Variants in MPPED1 observed in about 807,000 individuals in gnomAD.
MPPED1 encodes metallophosphoesterase domain containing 1.
A neutral mutation model predicts 36.2 loss-of-function variants in MPPED1; 16 were observed. The observed-to-expected ratio is 0.44, with a 90% CI of 0.30 to 0.67. The LOEUF (loss-of-function observed/expected upper bound fraction) is 0.67. Among genes scored for constraint, MPPED1 ranks in the 30% least tolerant of loss-of-function variants. MPPED1 has a pLI of 0.10. For synonymous variants in MPPED1, 199 were observed against 191.3 expected (o/e 1.04, Z -0.33); for missense variants, 307 against 453.4 (o/e 0.68, Z 2.93).
At chr22:43,460,511 T>C (rs1372315662) in intron 3 of MPPED1, among the ~76,000 whole-genome samples, 1 of 152,006 alleles carries the variant, frequency 6.6e-6, no homozygotes, top group Non-Finnish European at 1.5e-5. Flanking sequence ...ATGTTTTAAA[T>C]AACATAATTT....
intron 4 of MPPED1, among the ~76,000 whole-genome samples, chr22:43,495,501 T>C: frequency 2.7e-5 from 1 of 37,196 alleles, no homozygotes; most frequent in East Asian, 7.9e-4. Flanking sequence ...GTAGTGGTGG[T>C]GGAGGTGGTG....
At chr22:43,498,004 A>T (rs1166205718) in intron 4 of MPPED1, among the ~76,000 whole-genome samples, 1 of 148,648 alleles carries the variant, frequency 6.7e-6, no homozygotes, top group Non-Finnish European at 1.5e-5. Flanking sequence ...GAAAAACAGA[A>T]ACTGCAGGTA....
chr22:43,434,156 T>A lies in MPPED1; in HGVS notation c.225-878T>A, dbSNP rs144916178. On this transcript the variant is annotated intron_variant, in intron 2 of 6. Coordinates refer to ENST00000443721, the MANE Select transcript of MPPED1 (RefSeq NM_001044370.2). The stretch of plus-strand genomic sequence containing the variant: ...GGCTCCTGAGGCACAAGAACCTACA[T>A]TTGTGCCGCTTTTTAAAATGTTATT... Among the ~76,000 whole-genome samples, 219 of 152,294 alleles carry A rather than the reference T, an allele frequency of 1.4e-3. 1 individual carries two copies. Among genetic ancestry groups the A allele is most frequent in the Non-Finnish European group, 2.3e-3 (159 of 68,008 alleles).
At chr22:43,479,443 A>T (rs1181374569) in intron 4 of MPPED1, among the ~76,000 whole-genome samples, 4 of 152,306 alleles carry the variant, frequency 2.6e-5, no homozygotes, top group African/African-American at 9.6e-5. Flanking sequence ...TAGGAGGTAG[A>T]CGGCAGAGCA....
chr22:43,423,746 C>A (rs891283250), intron 1 of MPPED1, among the ~76,000 whole-genome samples: 1 of 152,270 alleles, frequency 6.6e-6, no homozygotes, highest in East Asian at 1.9e-4. Context: ...GATTTTTCTT[C>A]ATTTAATGTG....
At chr22:43,504,755 T>C (rs1372607386) in intron 6 of MPPED1, among the ~76,000 whole-genome samples, 1 of 151,710 alleles carries the variant, frequency 6.6e-6, no homozygotes, top group African/African-American at 2.4e-5. Flanking sequence ...ATGATGTTGA[T>C]TGTGGTAGTG....
intron 1 of MPPED1, among the ~76,000 whole-genome samples, chr22:43,422,876 C>T (rs1182643742): frequency 6.6e-6 from 1 of 152,100 alleles, no homozygotes; most frequent in African/African-American, 2.4e-5. Flanking sequence ...GAGATAGAGT[C>T]TCAAGGCTGG....
chr22:43,429,803 T>C (rs1313682786), intron 2 of MPPED1, among the ~76,000 whole-genome samples: 1 of 151,778 alleles, frequency 6.6e-6, no homozygotes, highest in Non-Finnish European at 1.5e-5. Context: ...GAGGACTTTC[T>C]GTGGGGGTGG....
intron 3 of MPPED1, among the ~76,000 whole-genome samples, chr22:43,455,115 C>CTTTTATTTTTTT (rs1930707183): frequency 8.1e-6 from 1 of 122,768 alleles, no homozygotes; most frequent in African/African-American, 3.3e-5. Context: ...CCTTCATGTC[C>CTTTTATTTTTTT]TTTTTTTTTT....
chr22:43,479,276 G>A lies in MPPED1; in HGVS notation c.632+4315G>A, dbSNP rs115714899. Among the ~76,000 whole-genome samples, 1,150 of 152,350 alleles carry A rather than the reference G, an allele frequency of 7.5e-3. 19 individuals carry two copies. Among genetic ancestry groups the A allele is most frequent in the African/African-American group, 0.026 (1,084 of 41,584 alleles). ...CATATTGGCTACCACGTGGACTGCA[G>A]GAGGCATTCCCTCCAGCTTTAGAAG... On this transcript the variant is annotated intron_variant, in intron 4 of 6. Transcript: ENST00000443721.
intron 1 of MPPED1, among the ~76,000 whole-genome samples, chr22:43,423,384 G>A (rs1309255689): frequency 6.6e-6 from 1 of 152,204 alleles, no homozygotes; most frequent in Non-Finnish European, 1.5e-5. Context: ...CTACAGTTCT[G>A]TTGCGTAGCA....
chr22:43,472,628 A>G (rs1380510364), intron 3 of MPPED1, among the ~76,000 whole-genome samples: 4 of 152,232 alleles, frequency 2.6e-5, no homozygotes, highest in Non-Finnish European at 4.4e-5. Context: ...AAACCTGTGA[A>G]GCAGTCTGAG....
At chr22:43,440,124 G>A (rs944782548) in intron 3 of MPPED1, among the ~76,000 whole-genome samples, 6 of 152,224 alleles carry the variant, frequency 3.9e-5, no homozygotes, top group South Asian at 2.1e-4. Flanking sequence ...TGCTGACCCC[G>A]CTGACGCAGC....
At chr22:43,442,135 CCA>C (rs1289180435) in intron 3 of MPPED1, among the ~76,000 whole-genome samples, 1 of 151,892 alleles carries the variant, frequency 6.6e-6, no homozygotes, top group Admixed American at 6.6e-5. Flanking sequence ...TCTGTCCTTT[CCA>C]GTCTACTCTC....
At chr22:43,421,328 G>C (rs1471100915) in intron 1 of MPPED1, among the ~76,000 whole-genome samples, 1 of 152,242 alleles carries the variant, frequency 6.6e-6, no homozygotes, top group Non-Finnish European at 1.5e-5. Flanking sequence ...GGATTTCTCT[G>C]AGCAGGGCCC....
chr22:43,463,331 C>CTTTTT (rs3047468), intron 3 of MPPED1, among the ~76,000 whole-genome samples: 1 of 121,062 alleles, frequency 8.3e-6, no homozygotes, highest in Non-Finnish European at 1.7e-5. Context: ...ATGATTTTTT[C>CTTTTT]TTTTTTTTTT....
At chr22:43,459,456 C>T (rs547830900) in intron 3 of MPPED1, among the ~76,000 whole-genome samples, 1 of 152,342 alleles carries the variant, frequency 6.6e-6, no homozygotes, top group South Asian at 2.1e-4. Context: ...CTCTTACGCA[C>T]ACATGAGTGC....
Position 43,507,511 on chromosome 22 carries a change from A to T in MPPED1, c.*1895A>T, listed in dbSNP as rs957765550. On this transcript the variant is annotated 3_prime_UTR_variant, in exon 7 of 7. Transcript: ENST00000443721. ...GGGGTTCCTGTAGCCAGGGATGTTTATGAGGTCTCTCTGATGCCCCAGGCG... is the reference window on the plus strand; with the variant it reads ...GGGGTTCCTGTAGCCAGGGATGTTTTTGAGGTCTCTCTGATGCCCCAGGCG... 1.7e-4 allele frequency: 26 copies of T among 152,198 alleles called. No homozygotes were observed. The highest frequency in any genetic ancestry group is 6.3e-4 in the African/African-American group (26 of 41,454). The allele number at this position is 152,198 out of a possible 1,614,324, so 9.4% of individuals were successfully genotyped here.
At chr22:43,433,450 G>GTGAATGAGTGAA (rs1203621485) in intron 2 of MPPED1, among the ~76,000 whole-genome samples, 2 of 3,924 alleles carry the variant, frequency 5.1e-4, no homozygotes, top group Admixed American at 8.9e-3. Context: ...GAGTGAATGA[G>GTGAATGAGTGAA]TGAGTGAATG....
Sources: gnomAD v4.1 joint callset for allele counts (sites outside exome capture counted in the v4.1 genomes callset) on GRCh38, gnomAD v4.1.1 for gene constraint, MANE v1.5 for transcripts, NCBI Gene and HGNC (gene_info 2026-07-23, HGNC 2026-07-21) for gene names.